Variants in ZRANB3 observed in about 807,000 individuals in gnomAD.
ZRANB3 encodes DNA annealing helicase and endonuclease ZRANB3.
In ZRANB3, 125 loss-of-function variants were observed where a neutral mutation model predicts 133.8. The observed-to-expected ratio is 0.93, with a 90% CI of 0.81 to 1.08. The LOEUF (loss-of-function observed/expected upper bound fraction) is 1.08, where lower values mean the gene tolerates loss of function less well. Among genes scored for constraint, ZRANB3 ranks in the 50% least tolerant of loss-of-function variants. ZRANB3 has a pLI of 0.00. For synonymous variants in ZRANB3, 387 were observed against 432.7 expected (o/e 0.89, Z 1.31); for missense variants, 1,229 against 1,275.5 (o/e 0.96, Z 0.56).
At chr2:135,526,593 G>T (rs987957099) in intron 1 of ZRANB3, among the ~76,000 whole-genome samples, 3 of 152,042 alleles carry the variant, frequency 2.0e-5, no homozygotes, top group African/African-American at 7.3e-5. Context: ...TCTGACTGTG[G>T]CATAACATTA....
At chr2:135,433,084 G>A (rs978195192) in intron 2 of ZRANB3, among the ~76,000 whole-genome samples, 1 of 149,800 alleles carries the variant, frequency 6.7e-6, no homozygotes, top group Non-Finnish European at 1.5e-5. Context: ...TGAAACTCTG[G>A]CAGGTCTAGG....
At chr2:135,220,242 G>T (rs1036286413) in intron 15 of ZRANB3, among the ~76,000 whole-genome samples, 3 of 151,706 alleles carry the variant, frequency 2.0e-5, no homozygotes, top group African/African-American at 7.3e-5. Context: ...CACATACAGC[G>T]GTGTAGTAGA....
chr2:135,341,305 T>C (rs1300749665), intron 6 of ZRANB3, among the ~76,000 whole-genome samples: 2 of 150,002 alleles, frequency 1.3e-5, no homozygotes, highest in Non-Finnish European at 2.9e-5. Flanking sequence ...ACAGAGGGAC[T>C]GGCTGAAGCC....
intron 2 of ZRANB3, among the ~76,000 whole-genome samples, chr2:135,502,096 C>T (rs1006873524): frequency 6.6e-6 from 1 of 152,036 alleles, no homozygotes; most frequent in Non-Finnish European, 1.5e-5. Flanking sequence ...AAAATATATC[C>T]TTAAATTATT....
chr2:135,460,843 C>G (rs185199329), intron 2 of ZRANB3, among the ~76,000 whole-genome samples: 47 of 152,130 alleles, frequency 3.1e-4, no homozygotes, highest in African/African-American at 1.1e-3. Flanking sequence ...TTTTATAATA[C>G]ATATAAATCA....
At chr2:135,213,187 G>A (rs1406017880) in intron 17 of ZRANB3, among the ~76,000 whole-genome samples, 1 of 152,142 alleles carries the variant, frequency 6.6e-6, no homozygotes, top group Admixed American at 6.5e-5. Flanking sequence ...GAAGTAAAAT[G>A]TCGCTGCTGT....
chr2:135,374,959 C>T (rs1377344208), intron 3 of ZRANB3, among the ~76,000 whole-genome samples: 4 of 152,040 alleles, frequency 2.6e-5, no homozygotes, highest in Non-Finnish European at 5.9e-5. Context: ...AAAAGATCCT[C>T]AACAACATAG....
chr2:135,403,001 C>T (rs568923788), intron 2 of ZRANB3, among the ~76,000 whole-genome samples: 2 of 152,264 alleles, frequency 1.3e-5, no homozygotes, highest in South Asian at 2.1e-4. Flanking sequence ...ATAGGAACCG[C>T]TCCAATCTAC....
At chr2:135,441,685 C>T (rs1000946806) in intron 2 of ZRANB3, among the ~76,000 whole-genome samples, 21 of 151,706 alleles carry the variant, frequency 1.4e-4, no homozygotes, top group African/African-American at 3.4e-4. Flanking sequence ...TGGAATGAAA[C>T]GGCTATATTT....
At position 135,289,613 on chromosome 2, in the gene ZRANB3, AT is replaced by A. The variant is rs112323913; in HGVS notation, c.967-13859del. Among the ~76,000 whole-genome samples the A allele has an allele frequency of 3.0e-3, 451 of 152,226 alleles. 3 individuals carry two copies. Among genetic ancestry groups the A allele is most frequent in the African/African-American group, 0.01 (420 of 41,548 alleles). The stretch of plus-strand genomic sequence containing the variant: ...CTGAGAGAGTACTTGATACAATGTG[AT>A]TTTTTTGGCTGGGCTCAGTGGCTCA... On this transcript the variant is annotated intron_variant, in intron 8 of 20. Coordinates refer to ENST00000264159, the MANE Select transcript of ZRANB3 (RefSeq NM_032143.4).
chr2:135,295,683 T>C (rs1413637086), intron 8 of ZRANB3, among the ~76,000 whole-genome samples: 1 of 152,246 alleles, frequency 6.6e-6, no homozygotes, highest in African/African-American at 2.4e-5. Context: ...CGATGGTCTT[T>C]ACAATTTGGC....
chr2:135,452,113 G>A lies in ZRANB3; in HGVS notation c.161+52216C>T, dbSNP rs1161709078. 2.0e-5 allele frequency among the ~76,000 whole-genome samples: 3 copies of A among 152,112 alleles called. No homozygotes were observed. In the East Asian group the frequency reaches 5.8e-4, roughly 29 times the overall value. Reference sequence around the variant, plus strand: ...ATTGGACTTACAGTTCCACATGGCTGGGGAGGCAAAAGGCACTTCTTACAT... The same window carrying A: ...ATTGGACTTACAGTTCCACATGGCTAGGGAGGCAAAAGGCACTTCTTACAT... On this transcript the variant is annotated intron_variant, in intron 2 of 20. Transcript: ENST00000264159.
Position 135,392,053 on chromosome 2 carries a change from C to T in ZRANB3, c.162-1233G>A, listed in dbSNP as rs188399974. 2.6e-5 allele frequency among the ~76,000 whole-genome samples: 4 copies of T among 152,140 alleles called. No homozygotes were observed. In the East Asian group the frequency reaches 5.8e-4, roughly 22 times the overall value. On this transcript the variant is annotated intron_variant, in intron 2 of 20. Transcript: ENST00000264159. ...GAATAGCAGGCATGGTCAGGATCAT[C>T]GGGTGTTCCTTTGAGACAGCAAACA... is the stretch of plus-strand genomic sequence containing the variant.
intron 1 of ZRANB3, among the ~76,000 whole-genome samples, chr2:135,505,840 C>T (rs1693156463): frequency 1.3e-5 from 2 of 151,952 alleles, no homozygotes; most frequent in Non-Finnish European, 1.5e-5. Flanking sequence ...TTTTTGTTTT[C>T]AGCTACACCT....
At chr2:135,451,334 G>A (rs1574124097) in intron 2 of ZRANB3, among the ~76,000 whole-genome samples, 1 of 152,202 alleles carries the variant, frequency 6.6e-6, no homozygotes, top group African/African-American at 2.4e-5. Flanking sequence ...GGCCGAGGCA[G>A]ACAGATCATC....
intron 3 of ZRANB3, among the ~76,000 whole-genome samples, chr2:135,357,584 C>T (rs1045031180): frequency 6.6e-6 from 1 of 152,222 alleles, no homozygotes; most frequent in African/African-American, 2.4e-5. Flanking sequence ...GCGTAAGCCA[C>T]TGCGCCTTGC....
chr2:135,313,620 A>T lies in ZRANB3; in HGVS notation c.850-15T>A. 1.3e-6 allele frequency: 2 copies of T among 1,527,564 alleles called. No individual in the cohort carries two copies. Among genetic ancestry groups the T allele is most frequent in the Non-Finnish European group, 1.8e-6 (2 of 1,103,112 alleles). 94.6% of individuals were successfully genotyped at this position (1,527,564 alleles called of 1,614,324 possible). ...GTATTCAATTCCTATGTGGGAAAAA[A>T]TAACACTGTTTATGAATATAGCATA... is the stretch of plus-strand genomic sequence containing the variant. On this transcript the variant is annotated splice_polypyrimidine_tract_variant and intron_variant, in intron 7 of 20. Coordinates refer to ENST00000264159, the MANE Select transcript of ZRANB3 (RefSeq NM_032143.4).
At chr2:135,481,351 T>G (rs1691795270) in intron 2 of ZRANB3, among the ~76,000 whole-genome samples, 1 of 151,952 alleles carries the variant, frequency 6.6e-6, no homozygotes, top group African/African-American at 2.4e-5. Context: ...TGATTTGCAT[T>G]TCTCTGATGG....
chr2:135,445,943 A>G (rs1490964946), intron 2 of ZRANB3, among the ~76,000 whole-genome samples: 1 of 150,048 alleles, frequency 6.7e-6, no homozygotes, highest in Non-Finnish European at 1.5e-5. Flanking sequence ...AGTGACTCAC[A>G]CCTGTAATCC....
Sources: gnomAD v4.1 joint callset for allele counts (sites outside exome capture counted in the v4.1 genomes callset) on GRCh38, gnomAD v4.1.1 for gene constraint, MANE v1.5 for transcripts, NCBI Gene and HGNC (gene_info 2026-07-23, HGNC 2026-07-21) for gene names.